The following ITGA7 variants were observed in gnomAD, a reference collection of about 807,000 sequenced individuals.
ITGA7 encodes integrin alpha-7.
ITGA7 carries 84 observed loss-of-function variants against 131.6 expected under a neutral mutation model. That is an observed-to-expected ratio of 0.64 (90% CI 0.54 to 0.77). The LOEUF is 0.77. ITGA7 is among the 30% of genes least tolerant of loss of function. ITGA7 has a pLI of 0.00. For missense variants in ITGA7, 1,399 were observed against 1,482.9 expected (o/e 0.94, Z 0.93); for synonymous variants, 548 against 600.7 (o/e 0.91, Z 1.28).
At chr12:55,698,284 T>C in intron 7 of ITGA7, 99 bp downstream of exon 7, 1 of 1,147,888 alleles carries the variant, frequency 8.7e-7, no homozygotes, top group Admixed American at 2.6e-5. Flanking sequence ...GGACCCTCTC[T>C]CCCTGAGTCC....
intron 14 of ITGA7, 33 bp downstream of exon 14, chr12:55,695,489 T>G: frequency 1.1e-4 from 99 of 942,462 alleles, no homozygotes; most frequent in Middle Eastern, 2.5e-4. Context: ...ACTCTTGCCC[T>G]CCCACCCCCA....
At position 55,696,363 on chromosome 12, in the gene ITGA7, G is replaced by A. The variant is rs375836925; in HGVS notation, c.1807C>T (p.Arg603Trp). 113 of 1,593,246 alleles carry A rather than the reference G, an allele frequency of 7.1e-5. No homozygotes were observed. The highest frequency in any genetic ancestry group is 8.5e-5 in the Non-Finnish European group (99 of 1,168,688). ...LSYSLQTPRL[R>W]RQAPGQGLPP... Reference sequence around the variant, plus strand: ...AGCCCCTGGCCAGGAGCCTGTCGCCGGAGCCGAGGGGTCTGGAGACTGTAG... The same window carrying A: ...AGCCCCTGGCCAGGAGCCTGTCGCCAGAGCCGAGGGGTCTGGAGACTGTAG... Residue 603 changes from arginine (R) to tryptophan (W), a missense_variant, in exon 13 of 25, where the codon CGG becomes TGG. Transcript: ENST00000257879.
chr12:55,691,894 C>T (rs1490338103), intron 21 of ITGA7, among the ~76,000 whole-genome samples: 1 of 152,138 alleles, frequency 6.6e-6, no homozygotes, highest in Non-Finnish European at 1.5e-5. Flanking sequence ...CACCTCCTTA[C>T]AATCAAGCCA....
chr12:55,692,709 G>T, intron 21 of ITGA7, 135 bp downstream of exon 21: 1 of 1,173,190 alleles, frequency 8.5e-7, no homozygotes, highest in Non-Finnish European at 1.2e-6. Flanking sequence ...CTGCCTCCCG[G>T]GCACCCCCTC....
chr12:55,710,425 T>C (rs1336307502), upstream of ITGA7, among the ~76,000 whole-genome samples: 2 of 151,544 alleles, frequency 1.3e-5, no homozygotes, highest in East Asian at 3.9e-4. Flanking sequence ...TTAAAATAAA[T>C]AAACTGTTAG....
intron 12 of ITGA7, 26 bp from the exon 13 acceptor site, chr12:55,696,458 A>G: frequency 1.3e-6 from 2 of 1,584,020 alleles, no homozygotes; most frequent in Non-Finnish European, 1.7e-6. Context: ...TCTATTCCTC[A>G]CTGGAACAAT....
chr12:55,706,094 G>T (rs1019253755), intron 1 of ITGA7, among the ~76,000 whole-genome samples: 2 of 152,232 alleles, frequency 1.3e-5, no homozygotes, highest in East Asian at 3.8e-4. Flanking sequence ...AGAGGAGGGG[G>T]AAATGACAAG....
At chr12:55,695,294 G>A (rs957752717) in intron 14 of ITGA7, 2 of 600,142 alleles carry the variant, frequency 3.3e-6, no homozygotes, top group African/African-American at 3.7e-5. Context: ...TATGTAGACT[G>A]CATATTATTA....
chr12:55,688,638 T>A lies in ITGA7; in HGVS notation c.2958+206A>T, dbSNP rs572401752. Among the ~76,000 whole-genome samples, 134 of 149,928 alleles carry A rather than the reference T, an allele frequency of 8.9e-4. 2 individuals are homozygous for A. The highest frequency in any genetic ancestry group is 3.2e-3 in the African/African-American group (131 of 40,764). ...CTCAGGAGGCTGAGGCAGGAGAACC[T>A]CTTGAACCTGGGAGGCAGAGGTTGC... On this transcript the variant is annotated intron_variant, in intron 22 of 24. Coordinates refer to ENST00000257879, the MANE Select transcript of ITGA7 (RefSeq NM_002206.3).
upstream of ITGA7, among the ~76,000 whole-genome samples, chr12:55,711,477 CAA>C (rs34371136): frequency 1.4e-5 from 2 of 139,622 alleles, no homozygotes; most frequent in Non-Finnish European, 1.6e-5. Flanking sequence ...GACTCTGCCT[CAA>C]AAAAAAAAAA....
chr12:55,707,421 G>A (rs982133847), intron 1 of ITGA7, 56 bp downstream of exon 1: 54 of 1,395,930 alleles, frequency 3.9e-5, no homozygotes, highest in African/African-American at 1.1e-4. Context: ...ACAGAGTGGG[G>A]AGGGGGACGA....
At chr12:55,711,046 A>C (rs1592506189), upstream of ITGA7, among the ~76,000 whole-genome samples, 1 of 152,380 alleles carries the variant, frequency 6.6e-6, no homozygotes, top group African/African-American at 2.4e-5. Flanking sequence ...TGAGGTCTGC[A>C]GGCCAGTTAA....
rs371518895 is a variant in ITGA7, at chr12:55,702,574, G to A, written c.414+298C>T. Among the ~76,000 whole-genome samples, 125 of 151,980 alleles carry A rather than the reference G, an allele frequency of 8.2e-4. 1 individual carries two copies. Among genetic ancestry groups the A allele is most frequent in the African/African-American group, 2.9e-3 (121 of 41,458 alleles). ...AGGTGATCCACCTGCCTCGGCCTCC[G>A]AAAGTGCTGGGATTACAGGCATGAG... On this transcript the variant is annotated intron_variant, in intron 3 of 24. Coordinates refer to ENST00000257879, the MANE Select transcript of ITGA7 (RefSeq NM_002206.3).
Position 55,685,160 on chromosome 12 carries a change from C to A in ITGA7, c.3312G>T (p.Trp1104Cys). The stretch of plus-strand genomic sequence containing the variant: ...CCGGGCCCTCCCGCCGGGGGCTGCC[C>A]CAGTTGTTCCTCAGGATGGTGCCCG... ...EKTGTILRNNWGSPRREGPDA... is the reference protein window; with the variant it reads ...EKTGTILRNNCGSPRREGPDA... The change falls in exon 25 of 25, where the codon TGG (tryptophan) becomes TGT (cysteine). Residue 1104 changes from tryptophan to cysteine, a missense_variant. Trp to Cys is a radical substitution (Grantham distance 215, BLOSUM62 -2). Transcript: ENST00000257879. 1 of 1,614,102 alleles carries A rather than the reference C, an allele frequency of 6.2e-7. No individual in the cohort carries two copies. Among genetic ancestry groups the A allele is most frequent in the Non-Finnish European group, 8.5e-7 (1 of 1,180,020 alleles).
At chr12:55,687,738 C>T (rs1870543633) in intron 24 of ITGA7, among the ~76,000 whole-genome samples, 1 of 152,154 alleles carries the variant, frequency 6.6e-6, no homozygotes, top group African/African-American at 2.4e-5. Flanking sequence ...GATCCACCTG[C>T]CTAGGCCTCC....
At chr12:55,703,882 C>T (rs536324770) in intron 1 of ITGA7, among the ~76,000 whole-genome samples, 1 of 152,302 alleles carries the variant, frequency 6.6e-6, no homozygotes, top group Non-Finnish European at 1.5e-5. Context: ...TTCCTTCTCC[C>T]CATGTCCATG....
In ITGA7 at chr12:55,707,820, G is replaced by GGCCCACACC; in HGVS notation, c.-139_-138insGGTGTGGGC. 1 of 1,455,774 alleles carries GGCCCACACC rather than the reference G, an allele frequency of 6.9e-7. No homozygotes were observed. The highest frequency in any genetic ancestry group is 9.1e-7 in the Non-Finnish European group (1 of 1,102,486). The allele number at this position is 1,455,774 out of a possible 1,614,324, so 90.2% of individuals were successfully genotyped here. Reference sequence around the variant, plus strand: ...CGTCTCCCAGACGTTCGCCCCGCCAGCCCTCCCGCCCGCCCGCCGCTCCGC... The same window carrying GGCCCACACC: ...CGTCTCCCAGACGTTCGCCCCGCCAGGCCCACACCCCCTCCCGCCCGCCCGCCGCTCCGC... On this transcript the variant is annotated 5_prime_UTR_variant, in exon 1 of 25. Transcript: ENST00000257879.
At chr12:55,689,022 C>A (rs1870887946) in intron 21 of ITGA7, 65 bp from the exon 22 acceptor site, 3 of 1,281,118 alleles carry the variant, frequency 2.3e-6, no homozygotes, top group Admixed American at 3.5e-5. Flanking sequence ...TGCCATCTCT[C>A]CCATTTTCCT....
intron 4 of ITGA7, 39 bp from the exon 5 acceptor site, chr12:55,700,028 C>A: frequency 6.2e-7 from 1 of 1,611,526 alleles, no homozygotes; most frequent in South Asian, 1.1e-5. Context: ...AGGGGACATC[C>A]AGAGTAGGGG....
Sources: allele counts gnomAD v4.1 joint callset (sites outside exome capture counted in the v4.1 genomes callset), GRCh38; gene constraint gnomAD v4.1.1; transcripts MANE v1.5; gene names NCBI Gene and HGNC (gene_info 2026-07-23, HGNC 2026-07-21).